NXPE4: variants seen among roughly 807,000 people sequenced by gnomAD.
The protein encoded by NXPE4 is neurexophilin and PC-esterase domain family member 4.
Under a neutral mutation model 33.3 loss-of-function variants are expected in NXPE4, and 42 were observed. The ratio of observed to expected loss-of-function variants is 1.26; its 90% CI spans 0.98 to 1.63. NXPE4 has a LOEUF of 1.63. NXPE4 is among the 40% of genes most tolerant of loss of function. The pLI is 0.00. For synonymous variants in NXPE4, 253 were observed against 234.9 expected (o/e 1.08, Z -0.71); for missense variants, 709 against 647.6 (o/e 1.09, Z -1.03).
At chr11:114,582,073 A>G (rs1039977999) in intron 3 of NXPE4, among the ~76,000 whole-genome samples, 11 of 152,154 alleles carry the variant, frequency 7.2e-5, no homozygotes, top group African/African-American at 2.2e-4. Flanking sequence ...TATTCTGTAT[A>G]TATTTTTTTC....
At chr11:114,637,105 T>C in the NXPE4 span, among the ~76,000 whole-genome samples, 1 of 151,814 alleles carries the variant, frequency 6.6e-6, no homozygotes, top group Non-Finnish European at 1.5e-5. Context: ...TCTAAGTCTC[T>C]TTGTAGGTCA....
the NXPE4 span, among the ~76,000 whole-genome samples, chr11:114,652,174 G>C: frequency 6.6e-6 from 1 of 152,218 alleles, no homozygotes; most frequent in Non-Finnish European, 1.5e-5. Context: ...GAGATAAGCA[G>C]GGAGAGAAGG....
the NXPE4 span, among the ~76,000 whole-genome samples, chr11:114,611,113 G>C: frequency 6.8e-6 from 1 of 146,500 alleles, no homozygotes; most frequent in South Asian, 2.2e-4. Context: ...GAAACCAGTG[G>C]ATAGTTAGTA....
At chr11:114,585,534 A>G (rs1949272140) in intron 2 of NXPE4, among the ~76,000 whole-genome samples, 1 of 152,134 alleles carries the variant, frequency 6.6e-6, no homozygotes, top group South Asian at 2.1e-4. Flanking sequence ...AGAGAAAAAG[A>G]AGGTCATTAT....
the NXPE4 span, among the ~76,000 whole-genome samples, chr11:114,617,340 G>A: frequency 6.6e-6 from 1 of 151,146 alleles, no homozygotes; most frequent in Admixed American, 6.6e-5. Context: ...ACTCTTACCT[G>A]GTGGATAATA....
chr11:114,659,523 A>G, the NXPE4 span, among the ~76,000 whole-genome samples: 3 of 151,660 alleles, frequency 2.0e-5, no homozygotes, highest in Non-Finnish European at 4.4e-5. Flanking sequence ...TAACAAAAAA[A>G]GTTTGGAAAA....
the NXPE4 span, among the ~76,000 whole-genome samples, chr11:114,616,117 A>C: frequency 6.6e-6 from 1 of 151,796 alleles, no homozygotes; most frequent in Non-Finnish European, 1.5e-5. Flanking sequence ...ATGGGTAACC[A>C]CTGTTATCCG....
At chr11:114,658,169 G>A in the NXPE4 span, among the ~76,000 whole-genome samples, 26 of 152,134 alleles carry the variant, frequency 1.7e-4, no homozygotes, top group Non-Finnish European at 3.2e-4. Context: ...AGAAATTGAG[G>A]TCACAGGCCA....
the NXPE4 span, among the ~76,000 whole-genome samples, chr11:114,602,071 T>C: frequency 1.1e-5 from 1 of 94,116 alleles, no homozygotes; most frequent in East Asian, 3.3e-4. Context: ...TTATAATATA[T>C]ATTCTATATT....
chr11:114,637,429 T>C, the NXPE4 span, among the ~76,000 whole-genome samples: 1 of 152,070 alleles, frequency 6.6e-6, no homozygotes, highest in South Asian at 2.1e-4. Context: ...TTTGCCAGTC[T>C]GTGTCTTTTA....
the NXPE4 span, among the ~76,000 whole-genome samples, chr11:114,618,213 C>T: frequency 2.6e-5 from 4 of 152,084 alleles, no homozygotes; most frequent in South Asian, 8.3e-4. Flanking sequence ...TTGGTCACCA[C>T]TGTTACCCGG....
chr11:114,638,414 C>T, the NXPE4 span, among the ~76,000 whole-genome samples: 3 of 151,930 alleles, frequency 2.0e-5, no homozygotes, highest in African/African-American at 7.2e-5. Context: ...GTTTGAATTT[C>T]CTCCTGTAGC....
chr11:114,609,961 C>T, the NXPE4 span, among the ~76,000 whole-genome samples: 4 of 151,518 alleles, frequency 2.6e-5, no homozygotes, highest in Non-Finnish European at 5.9e-5. Flanking sequence ...CACTGTTACA[C>T]GGTGGATAAT....
At chr11:114,574,132 A>G (rs1948948548) in intron 5 of NXPE4, among the ~76,000 whole-genome samples, 1 of 152,186 alleles carries the variant, frequency 6.6e-6, no homozygotes, top group Non-Finnish European at 1.5e-5. Context: ...CAATAAAATC[A>G]AGATGGAAAT....
At chr11:114,660,719 T>C in the NXPE4 span, among the ~76,000 whole-genome samples, 3 of 152,114 alleles carry the variant, frequency 2.0e-5, no homozygotes, top group African/African-American at 7.2e-5. Context: ...ATGTTCAATC[T>C]TGCTGTTCTT....
chr11:114,640,093 A>C, the NXPE4 span, among the ~76,000 whole-genome samples: 4 of 124,010 alleles, frequency 3.2e-5, no homozygotes, highest in Non-Finnish European at 6.3e-5. Flanking sequence ...AATGTAATAT[A>C]ATATATGATT....
At chr11:114,667,508 A>C in the NXPE4 span, among the ~76,000 whole-genome samples, 1 of 152,088 alleles carries the variant, frequency 6.6e-6, no homozygotes, top group Non-Finnish European at 1.5e-5. Context: ...CTTGAGTAAT[A>C]ATGGATTTGT....
chr11:114,622,425 G>A, the NXPE4 span, among the ~76,000 whole-genome samples: 3 of 151,894 alleles, frequency 2.0e-5, no homozygotes, highest in South Asian at 2.1e-4. Flanking sequence ...TGTATAATAA[G>A]TGTTGCCTTC....
the NXPE4 span, among the ~76,000 whole-genome samples, chr11:114,623,194 A>T: frequency 6.6e-6 from 1 of 151,462 alleles, no homozygotes; most frequent in African/African-American, 2.4e-5. Context: ...CTCTAGGGTA[A>T]CCATTGTTAC....
Sources: allele counts gnomAD v4.1 joint callset (sites outside exome capture counted in the v4.1 genomes callset), GRCh38; gene constraint gnomAD v4.1.1; transcripts MANE v1.5; gene names NCBI Gene and HGNC (gene_info 2026-07-23, HGNC 2026-07-21).